The following R3HCC1L variants were observed in gnomAD, a reference collection of about 807,000 sequenced individuals.
The protein encoded by R3HCC1L is R3H domain and coiled-coil containing 1 like.
R3HCC1L carries 51 observed loss-of-function variants against 59.9 expected under a neutral mutation model. The ratio of observed to expected loss-of-function variants is 0.85; its 90% CI spans 0.68 to 1.07. The LOEUF is 1.07. Ranked by LOEUF, R3HCC1L falls within the 50% of genes least tolerant of loss-of-function variation. The pLI is 0.00. For missense variants in R3HCC1L, 965 were observed against 933.0 expected (o/e 1.03, Z -0.45); for synonymous variants, 322 against 315.2 (o/e 1.02, Z -0.23).
At chr10:98,181,264 G>A (rs993675719) in intron 4 of R3HCC1L, among the ~76,000 whole-genome samples, 2 of 152,112 alleles carry the variant, frequency 1.3e-5, no homozygotes, top group African/African-American at 4.8e-5. Flanking sequence ...TGTCTGTAAA[G>A]GATTTTATTT....
intron 1 of R3HCC1L, among the ~76,000 whole-genome samples, chr10:98,148,431 A>C (rs1297230236): frequency 2.6e-5 from 4 of 152,142 alleles, no homozygotes; most frequent in Admixed American, 2.0e-4. Flanking sequence ...TGTTGAATAA[A>C]AGTGGTAAAT....
At chr10:98,175,594 CTT>C (rs1848931532) in intron 4 of R3HCC1L, among the ~76,000 whole-genome samples, 1 of 152,054 alleles carries the variant, frequency 6.6e-6, no homozygotes, top group African/African-American at 2.4e-5. Context: ...TTTTGAGCAT[CTT>C]TTTTGCCATC....
intron 4 of R3HCC1L, among the ~76,000 whole-genome samples, chr10:98,191,013 A>G (rs977845390): frequency 2.6e-5 from 4 of 152,090 alleles, no homozygotes; most frequent in Non-Finnish European, 5.9e-5. Context: ...ATAGTATTCC[A>G]TGGTGTATAT....
chr10:98,219,559 C>T (rs1854623685), intron 5 of R3HCC1L, among the ~76,000 whole-genome samples: 1 of 152,120 alleles, frequency 6.6e-6, no homozygotes, highest in Admixed American at 6.5e-5. Flanking sequence ...GTGGTGGTAA[C>T]ATTTGACTTC....
chr10:98,167,199 G>T (rs938092384), intron 4 of R3HCC1L, among the ~76,000 whole-genome samples: 12 of 151,980 alleles, frequency 7.9e-5, no homozygotes, highest in African/African-American at 2.9e-4. Flanking sequence ...CCTGTGTACA[G>T]GCATTCTGTT....
chr10:98,189,682 T>G (rs1222336888), intron 4 of R3HCC1L, among the ~76,000 whole-genome samples: 2 of 152,196 alleles, frequency 1.3e-5, no homozygotes, highest in Admixed American at 1.3e-4. Flanking sequence ...AAGTGTGAAA[T>G]ATATCATTGT....
chr10:98,147,575 T>C (rs114480018), intron 1 of R3HCC1L, among the ~76,000 whole-genome samples: 134 of 152,272 alleles, frequency 8.8e-4, no homozygotes, highest in African/African-American at 3.1e-3. Context: ...CCATTTTGAT[T>C]TGATTTTTGT....
At chr10:98,136,139 C>T (rs1844562343) in intron 1 of R3HCC1L, among the ~76,000 whole-genome samples, 1 of 151,722 alleles carries the variant, frequency 6.6e-6, no homozygotes, top group South Asian at 2.1e-4. Context: ...AGGCGTTTGA[C>T]ACTGTGCCCA....
In R3HCC1L at chr10:98,195,596, A is replaced by C. The variant is rs546117268; in HGVS notation, c.-14-12505A>C. Among the ~76,000 whole-genome samples, 516 of 149,340 alleles carry C rather than the reference A, an allele frequency of 3.5e-3. 2 individuals carry two copies. Among genetic ancestry groups the C allele is most frequent in the Middle Eastern group, 0.018 (5 of 282 alleles). ...GTCCTTTTGTATTAAAATACACACA[A>C]AAAAAAACTCTTTGTTAGCTATTAA... is the stretch of plus-strand genomic sequence containing the variant. On this transcript the variant is annotated intron_variant, in intron 4 of 9. Transcript: ENST00000298999.
chr10:98,180,876 G>C (rs554513595), intron 4 of R3HCC1L, among the ~76,000 whole-genome samples: 1 of 152,092 alleles, frequency 6.6e-6, no homozygotes, highest in African/African-American at 2.4e-5. Flanking sequence ...TGCAACCCTT[G>C]CTTTTTTTTG....
At chr10:98,192,269 T>TA (rs200625952) in intron 4 of R3HCC1L, among the ~76,000 whole-genome samples, 14 of 150,292 alleles carry the variant, frequency 9.3e-5, no homozygotes, top group African/African-American at 2.9e-4. Context: ...TATAAAGCTT[T>TA]AAAAAAAAAG....
At chr10:98,210,197 A>G (rs531884285) in intron 5 of R3HCC1L, among the ~76,000 whole-genome samples, 32 of 152,294 alleles carry the variant, frequency 2.1e-4, no homozygotes, top group African/African-American at 6.7e-4. Flanking sequence ...AGGTTTTTCT[A>G]TGTTGACAAG....
At chr10:98,189,895 G>A (rs560465009) in intron 4 of R3HCC1L, among the ~76,000 whole-genome samples, 15 of 152,228 alleles carry the variant, frequency 9.9e-5, no homozygotes, top group South Asian at 8.3e-4. Context: ...TAAGTGAAGC[G>A]CCTGTGCAGG....
At chr10:98,223,259 T>C (rs574719605) in intron 5 of R3HCC1L, among the ~76,000 whole-genome samples, 10 of 152,226 alleles carry the variant, frequency 6.6e-5, no homozygotes, top group Non-Finnish European at 1.3e-4. Context: ...TAGACCAATA[T>C]CCTTGATGAA....
chr10:98,139,743 G>A (rs752594781), intron 1 of R3HCC1L, among the ~76,000 whole-genome samples: 1 of 152,076 alleles, frequency 6.6e-6, no homozygotes, highest in Non-Finnish European at 1.5e-5. Flanking sequence ...CAATTGCTTC[G>A]AGTCTGTGGT....
At chr10:98,174,953 A>C (rs994293640) in intron 4 of R3HCC1L, among the ~76,000 whole-genome samples, 1 of 152,222 alleles carries the variant, frequency 6.6e-6, no homozygotes, top group East Asian at 1.9e-4. Context: ...AACCGTTCAA[A>C]TTAAAAATAT....
chr10:98,165,896 G>A (rs1470303421), intron 4 of R3HCC1L, among the ~76,000 whole-genome samples: 1 of 152,350 alleles, frequency 6.6e-6, no homozygotes, highest in East Asian at 1.9e-4. Flanking sequence ...CAGGGACCAG[G>A]TGCGATGGCT....
intron 4 of R3HCC1L, among the ~76,000 whole-genome samples, chr10:98,172,144 A>C (rs377321495): frequency 1.3e-5 from 2 of 152,134 alleles, no homozygotes; most frequent in African/African-American, 4.8e-5. Flanking sequence ...ATCACTGACA[A>C]ACTCTAGGTT....
At chr10:98,219,618 G>A (rs989110164) in intron 5 of R3HCC1L, among the ~76,000 whole-genome samples, 1 of 152,096 alleles carries the variant, frequency 6.6e-6, no homozygotes, top group Non-Finnish European at 1.5e-5. Flanking sequence ...GCTTTCATGT[G>A]TTTTTATGAT....
Sources: gnomAD v4.1 joint callset for allele counts (sites outside exome capture counted in the v4.1 genomes callset) on GRCh38, gnomAD v4.1.1 for gene constraint, MANE v1.5 for transcripts, NCBI Gene and HGNC (gene_info 2026-07-23, HGNC 2026-07-21) for gene names.